PCDHA1: variants seen among roughly 807,000 people sequenced by gnomAD.
The protein encoded by PCDHA1 is protocadherin alpha 1.
In PCDHA1, 42 loss-of-function variants were observed where a neutral mutation model predicts 61.3. The observed-to-expected ratio is 0.69, with a 90% CI of 0.54 to 0.89. The LOEUF is 0.89. Ranked by LOEUF, PCDHA1 falls within the 40% of genes least tolerant of loss-of-function variation. The pLI is 0.00. For missense variants in PCDHA1, 1,256 were observed against 1,235.3 expected (o/e 1.02, Z -0.25); for synonymous variants, 610 against 553.8 (o/e 1.10, Z -1.43).
In PCDHA1 at chr5:140,786,721, A is replaced by G. The variant is rs201652084; in HGVS notation, c.431A>G (p.Glu144Gly). The G allele has an allele frequency of 1.2e-6, 2 of 1,614,192 alleles. No homozygotes were observed. The highest frequency in any genetic ancestry group is 1.7e-6 in the Non-Finnish European group (2 of 1,180,034). ...AGAGAACAAATAATATTTATTCCTG[A>G]ATCTAGACTCCTGAATTCGCGTTTT... ...RGREQIIFIP[E>G]SRLLNSRFPI... The change falls in exon 1 of 4, where the codon GAA becomes GGA. Residue 144 changes from glutamate (E) to glycine (G), a missense_variant. By Grantham distance (98) the Glu-to-Gly change is moderately conservative (BLOSUM62 -2). Transcript: ENST00000504120.
chr5:140,977,335 A>T (rs1341928835), intron 1 of PCDHA1, among the ~76,000 whole-genome samples: 19 of 152,322 alleles, frequency 1.2e-4, no homozygotes, highest in Admixed American at 1.1e-3. Context: ...GAGGGGAGAG[A>T]CGGTGATGAT....
chr5:140,803,373 C>G, intron 1 of PCDHA1: 1 of 1,614,218 alleles, frequency 6.2e-7, no homozygotes, highest in Non-Finnish European at 8.5e-7. Context: ...GTGCTCCGCG[C>G]CGCCAACCGA....
At chr5:140,962,930 C>A (rs2095720492) in intron 1 of PCDHA1, among the ~76,000 whole-genome samples, 1 of 152,144 alleles carries the variant, frequency 6.6e-6, no homozygotes, top group South Asian at 2.1e-4. Flanking sequence ...TACTTCTCAA[C>A]CTCCTCTCCA....
intron 1 of PCDHA1, among the ~76,000 whole-genome samples, chr5:140,897,824 A>G (rs1234550995): frequency 2.6e-5 from 4 of 152,016 alleles, no homozygotes; most frequent in African/African-American, 9.7e-5. Flanking sequence ...AAGTGTTCCT[A>G]TTTCTCCACA....
At chr5:140,788,862 G>A (rs1761499497) in intron 1 of PCDHA1, 178 bp downstream of exon 1, 5 of 1,351,682 alleles carry the variant, frequency 3.7e-6, no homozygotes, top group Non-Finnish European at 4.8e-6. Context: ...GAACTAGAAA[G>A]CAAAGAAAAA....
chr5:141,002,335 ACC>A (rs1554258611), intron 3 of PCDHA1, among the ~76,000 whole-genome samples: 81 of 152,230 alleles, frequency 5.3e-4, no homozygotes, highest in African/African-American at 2.0e-3. Flanking sequence ...CTGCATCCGC[ACC>A]CCTTCCCCCA....
intron 1 of PCDHA1, chr5:140,863,133 G>T (rs2047814450): frequency 5.0e-6 from 3 of 600,930 alleles, no homozygotes; most frequent in African/African-American, 1.9e-5. Flanking sequence ...GCCACCGCCT[G>T]CTGGTGCTGG....
At position 140,829,584 on chromosome 5, in the gene PCDHA1, G is replaced by C. The variant is rs1198811288; in HGVS notation, c.2394+40900G>C. ...GTGTCCTACTCGCTGGTGGAGCGGC[G>C]GGTGGGCGAGCGCGCGTTGTCGAGC... is the stretch of plus-strand genomic sequence containing the variant. On this transcript the variant is annotated intron_variant, in intron 1 of 3. Transcript: ENST00000504120. The C allele has an allele frequency of 4.3e-6, 7 of 1,612,242 alleles. No homozygotes were observed. In the East Asian group the frequency reaches 1.3e-4, roughly 31 times the overall value.
intron 1 of PCDHA1, chr5:140,849,708 T>C (rs2150445968): frequency 6.3e-7 from 1 of 1,598,586 alleles, no homozygotes; most frequent in East Asian, 2.2e-5. Flanking sequence ...CAAGAATTAC[T>C]ACTCGTTGGT....
intron 2 of PCDHA1, among the ~76,000 whole-genome samples, chr5:140,980,478 A>G (rs1186753725): frequency 2.6e-5 from 4 of 152,172 alleles, no homozygotes; most frequent in African/African-American, 4.8e-5. Context: ...AAAAATACAA[A>G]AATTAGCTGG....
chr5:140,948,349 T>C (rs1262551459), intron 1 of PCDHA1, among the ~76,000 whole-genome samples: 2 of 151,624 alleles, frequency 1.3e-5, no homozygotes, highest in African/African-American at 4.8e-5. Context: ...ATTTCTAACC[T>C]AATAAAATGA....
chr5:140,943,657 C>T (rs531235288), intron 1 of PCDHA1, among the ~76,000 whole-genome samples: 51 of 151,756 alleles, frequency 3.4e-4, no homozygotes, highest in African/African-American at 1.2e-3. Flanking sequence ...CATCTATGAA[C>T]AATGTATAAA....
Position 140,915,075 on chromosome 5 carries a change from A to T in PCDHA1, c.2395-63874A>T, listed in dbSNP as rs111889109. ...ATTCTCCTGCCTTAGCCTACTGAGTAGCTGGGACTATGGGCACGCACCACC... is the reference window on the plus strand; with the variant it reads ...ATTCTCCTGCCTTAGCCTACTGAGTTGCTGGGACTATGGGCACGCACCACC... On this transcript the variant is annotated intron_variant, in intron 1 of 3. Transcript: ENST00000504120. 7.1e-3 allele frequency among the ~76,000 whole-genome samples: 1,070 copies of T among 151,432 alleles called. 10 individuals are homozygous for T. The highest frequency in any genetic ancestry group is 0.025 in the African/African-American group (1,035 of 41,220).
At chr5:140,881,918 A>G (rs1263343700) in intron 1 of PCDHA1, 3 of 252,356 alleles carry the variant, frequency 1.2e-5, no homozygotes, top group Non-Finnish European at 2.3e-5. Flanking sequence ...TGTTGAGCAG[A>G]ATGCAGTGAT....
rs1554202869 is a variant in PCDHA1, at chr5:140,925,671, A to AATG, written c.2395-53276_2395-53275insGAT. Among the ~76,000 whole-genome samples the AATG allele has an allele frequency of 4.6e-4, 68 of 148,180 alleles. 1 individual carries two copies. The highest frequency in any genetic ancestry group is 1.6e-3 in the African/African-American group (66 of 40,022). On this transcript the variant is annotated intron_variant, in intron 1 of 3. Transcript: ENST00000504120. ...TAATAATAATAATAATAATAATAAT[A>AATG]ATAATAAAGCGAGGGTGGGTATCTA...
intron 3 of PCDHA1, among the ~76,000 whole-genome samples, chr5:140,988,180 G>C (rs2097285964): frequency 1.3e-5 from 2 of 152,134 alleles, no homozygotes; most frequent in Admixed American, 1.3e-4. Context: ...TGACAGTCCT[G>C]GGAGGTGTGT....
At chr5:140,828,111 A>G (rs1769533134) in intron 1 of PCDHA1, 2 of 1,611,626 alleles carry the variant, frequency 1.2e-6, no homozygotes, top group East Asian at 2.2e-5. Flanking sequence ...ACCCCGGAGG[A>G]TAGATTGGGA....
intron 1 of PCDHA1, among the ~76,000 whole-genome samples, chr5:140,917,503 T>G (rs1423295268): frequency 6.6e-6 from 1 of 152,208 alleles, no homozygotes; most frequent in African/African-American, 2.4e-5. Flanking sequence ...AGAATGATAT[T>G]TTCTAGGTTT....
chr5:140,881,121 C>G (rs1456322924), intron 1 of PCDHA1, among the ~76,000 whole-genome samples: 4 of 152,122 alleles, frequency 2.6e-5, no homozygotes, highest in Non-Finnish European at 4.4e-5. Flanking sequence ...GATTTTGTGG[C>G]TTGGTAGAGA....
Sources: allele counts gnomAD v4.1 joint callset (sites outside exome capture counted in the v4.1 genomes callset), GRCh38; gene constraint gnomAD v4.1.1; transcripts MANE v1.5; gene names NCBI Gene and HGNC (gene_info 2026-07-23, HGNC 2026-07-21).